PTPRQ: variants seen among roughly 807,000 people sequenced by gnomAD.
PTPRQ encodes the protein phosphatidylinositol phosphatase PTPRQ.
A neutral mutation model predicts 246.0 loss-of-function variants in PTPRQ; 199 were observed. That is an observed-to-expected ratio of 0.81 (90% CI 0.72 to 0.91). The LOEUF is 0.91. Among genes scored for constraint, PTPRQ ranks in the 40% least tolerant of loss-of-function variants. The pLI is 0.00. For synonymous variants in PTPRQ, 869 were observed against 853.2 expected, an observed-to-expected ratio of 1.02 and a Z score of -0.32; for missense variants, 2,624 against 2,528.4, an observed-to-expected ratio of 1.04 and a Z score of -0.81.
Position 80,460,922 on chromosome 12 carries a change from G to A in PTPRQ, c.910+20G>A, listed in dbSNP as rs1893143540. 1 of 400,024 alleles carries A rather than the reference G, an allele frequency of 2.5e-6. No individual in the cohort carries two copies. The highest frequency in any genetic ancestry group is 4.4e-6 in the Non-Finnish European group (1 of 226,112). The allele number at this position is 400,024 out of a possible 1,614,324, so 24.8% of individuals were successfully genotyped here. A position where few individuals can be genotyped will look rare whatever the true frequency, so the allele number is the denominator to read the frequency against. On this transcript the variant is annotated intron_variant, in intron 6 of 44. Coordinates refer to ENST00000644991, the MANE Select transcript of PTPRQ (RefSeq NM_001145026.2). ...AATCAGGTATGGTTCACTTTTTGTA[G>A]ATAAAAAGATTTAAATGATTAGAGA... is the stretch of plus-strand genomic sequence containing the variant.
chr12:80,610,380 T>G lies in PTPRQ; in HGVS notation c.4732-59T>G, dbSNP rs1052576263. Reference sequence around the variant, plus strand: ...TCTCACGTAGCTTTGTATTATTATGTTTTGGTGACTCAGATTTCAAGTGCT... The same window carrying G: ...TCTCACGTAGCTTTGTATTATTATGGTTTGGTGACTCAGATTTCAAGTGCT... On this transcript the variant is annotated intron_variant, in intron 27 of 44. Transcript: ENST00000644991. 6 of 1,386,962 alleles carry G rather than the reference T, an allele frequency of 4.3e-6. No individual in the cohort carries two copies. In the African/African-American group the frequency reaches 9.0e-5, roughly 21 times the overall value. The allele number at this position is 1,386,962 out of a possible 1,614,324, so 85.9% of individuals were successfully genotyped here. A position where few individuals can be genotyped will look rare whatever the true frequency, so the allele number is the denominator to read the frequency against.
chr12:80,534,864 G>A (rs1404163737), intron 18 of PTPRQ, 28 bp from the exon 19 acceptor site: 87 of 1,541,240 alleles, frequency 5.6e-5, no homozygotes, highest in Non-Finnish European at 7.4e-5. Flanking sequence ...CACAAATACA[G>A]TAATTTGTTC....
chr12:80,661,141 G>C (rs78017291), intron 39 of PTPRQ, among the ~76,000 whole-genome samples: 1 of 151,748 alleles, frequency 6.6e-6, no homozygotes, highest in South Asian at 2.1e-4. Flanking sequence ...ACAAGGATTT[G>C]CTAGACAGTT....
chr12:80,523,467 T>C (rs1895576571), intron 17 of PTPRQ, among the ~76,000 whole-genome samples: 1 of 152,214 alleles, frequency 6.6e-6, no homozygotes, highest in South Asian at 2.1e-4. Context: ...AGGGTGTCAA[T>C]TTTAGATCTT....
intron 39 of PTPRQ, among the ~76,000 whole-genome samples, chr12:80,662,466 C>G (rs1900663066): frequency 6.6e-6 from 1 of 151,818 alleles, no homozygotes; most frequent in African/African-American, 2.4e-5. Flanking sequence ...AGTTCAAATT[C>G]CTTCTCTGCA....
intron 35 of PTPRQ, among the ~76,000 whole-genome samples, chr12:80,637,762 A>T (rs1163039): frequency 1.3e-5 from 2 of 152,012 alleles, no homozygotes; most frequent in African/African-American, 4.8e-5. Flanking sequence ...TGTACATATG[A>T]GTGGATCCTG....
At position 80,670,087 on chromosome 12, in the gene PTPRQ, G is replaced by T. The variant is rs371539047; in HGVS notation, c.6454-257G>T. ...CTATTATTCTGAGTGCTACAAAATG[G>T]CATACTATATTTGAATATTAATGTC... On this transcript the variant is annotated intron_variant, in intron 41 of 44. Coordinates refer to ENST00000644991, the MANE Select transcript of PTPRQ (RefSeq NM_001145026.2). 2.2e-3 allele frequency among the ~76,000 whole-genome samples: 333 copies of T among 151,990 alleles called. 9 individuals carry two copies. The South Asian group carries it at 0.064, about 29-fold the overall frequency.
intron 17 of PTPRQ, among the ~76,000 whole-genome samples, chr12:80,521,635 C>CT (rs894045340): frequency 7.2e-5 from 11 of 151,890 alleles, no homozygotes; most frequent in East Asian, 1.9e-4. Flanking sequence ...TTCCCCATTG[C>CT]TTTTTTTTGT....
At chr12:80,628,361 T>C (rs555418011) in intron 33 of PTPRQ, among the ~76,000 whole-genome samples, 18 of 152,264 alleles carry the variant, frequency 1.2e-4, no homozygotes, top group African/African-American at 4.3e-4. Context: ...CTCTTTTATA[T>C]TGGTAACATT....
At chr12:80,588,475 C>T in intron 26 of PTPRQ, 23 bp downstream of exon 26, 1 of 1,442,158 alleles carries the variant, frequency 6.9e-7, no homozygotes, top group South Asian at 1.6e-5. Context: ...CTGACATGTA[C>T]ATACTGATTT....
At chr12:80,501,683 T>G (rs1166355114) in intron 14 of PTPRQ, among the ~76,000 whole-genome samples, 1 of 151,838 alleles carries the variant, frequency 6.6e-6, no homozygotes. Flanking sequence ...GTAGAAGAGC[T>G]AATCAAGGAC....
intron 6 of PTPRQ, among the ~76,000 whole-genome samples, chr12:80,463,890 C>A (rs7486794): frequency 0.97 from 145,259 of 149,726 alleles, 70,612 homozygotes; most frequent in African/African-American, 0.99. Flanking sequence ...AAAGGAACAA[C>A]TGGTACCAGC....
chr12:80,546,872 GT>G lies in PTPRQ; in HGVS notation c.4015+178del. The G allele has an allele frequency of 4.7e-6, 3 of 643,638 alleles. No individual in the cohort carries two copies. The South Asian group carries it at 9.5e-5, about 20-fold the overall frequency. The allele number at this position is 643,638 out of a possible 1,614,324, so 39.9% of individuals were successfully genotyped here. On this transcript the variant is annotated intron_variant, in intron 24 of 44. Transcript: ENST00000644991. ...GTGTGAAATCATATGCTGTATGTGTGTTTATACATATATTTTCACACATGGT... is the reference window on the plus strand; with the variant it reads ...GTGTGAAATCATATGCTGTATGTGTGTTATACATATATTTTCACACATGGT...
At chr12:80,608,006 G>A (rs185410834) in intron 27 of PTPRQ, among the ~76,000 whole-genome samples, 1 of 150,798 alleles carries the variant, frequency 6.6e-6, no homozygotes, top group East Asian at 2.0e-4. Context: ...GGGAATATAA[G>A]GTAACAAAAT....
chr12:80,539,856 C>T lies in PTPRQ; in HGVS notation c.3066C>T (p.Ser1022=), dbSNP rs1326374195. The stretch of plus-strand genomic sequence containing the variant: ...TTATAGATAAACTGACAATATTCAG[C>T]TACTATACATTTTGGTTAACAGCAA... The part of the protein sequence containing the change: ...STIIDKLTIF[S]YYTFWLTAST... The change falls in exon 20 of 45, where the codon AGC becomes AGT. Residue 1022 remains serine (S), a synonymous_variant. Transcript: ENST00000644991. 1.9e-6 allele frequency: 3 copies of T among 1,549,062 alleles called. No homozygotes were observed. The highest frequency in any genetic ancestry group is 1.2e-5 in the South Asian group (1 of 83,610).
chr12:80,606,921 C>T (rs568829229), intron 27 of PTPRQ, among the ~76,000 whole-genome samples: 3 of 150,802 alleles, frequency 2.0e-5, no homozygotes, highest in East Asian at 3.9e-4. Context: ...ATGAAAGGCA[C>T]TTTATTAATG....
At chr12:80,658,110 G>C in intron 39 of PTPRQ, 49 bp downstream of exon 39, 1 of 1,111,148 alleles carries the variant, frequency 9.0e-7, no homozygotes, top group Non-Finnish European at 1.2e-6. Flanking sequence ...CATAATTACT[G>C]AAATTGTATT....
intron 25 of PTPRQ, among the ~76,000 whole-genome samples, chr12:80,585,934 C>T (rs1210921409): frequency 7.3e-6 from 1 of 136,864 alleles, no homozygotes; most frequent in African/African-American, 2.8e-5. Context: ...CTTCCTGTGT[C>T]CATGTGATCT....
At chr12:80,496,667 T>A in intron 14 of PTPRQ, 136 bp downstream of exon 14, 1 of 1,151,868 alleles carries the variant, frequency 8.7e-7, no homozygotes, top group Non-Finnish European at 1.2e-6. Flanking sequence ...AGAAATTAAT[T>A]TTCTTTTTCA....
Sources: gnomAD v4.1 joint callset for allele counts (sites outside exome capture counted in the v4.1 genomes callset) on GRCh38, gnomAD v4.1.1 for gene constraint, MANE v1.5 for transcripts, NCBI Gene and HGNC (gene_info 2026-07-23, HGNC 2026-07-21) for gene names.